Variants in CCDC180 observed in about 807,000 individuals in gnomAD.
The protein encoded by CCDC180 is coiled-coil domain containing 180.
Under a neutral mutation model 209.2 loss-of-function variants are expected in CCDC180, and 154 were observed. The ratio of observed to expected loss-of-function variants is 0.74; its 90% CI spans 0.65 to 0.84. The LOEUF (loss-of-function observed/expected upper bound fraction) is 0.84. CCDC180 is among the 40% of genes least tolerant of loss of function. The pLI, the probability that CCDC180 is intolerant of heterozygous loss-of-function variation, is 0.00. For synonymous variants in CCDC180, 778 were observed against 749.1 expected, an observed-to-expected ratio of 1.04 and a Z score of -0.63; for missense variants, 1,874 against 1,997.3, an observed-to-expected ratio of 0.94 and a Z score of 1.18.
intron 16 of CCDC180, 65 bp from the exon 17 acceptor site, chr9:97,330,089 A>AC: frequency 2.1e-6 from 2 of 945,320 alleles, no homozygotes; most frequent in Non-Finnish European, 1.6e-6. Flanking sequence ...AAAAAAAAAA[A>AC]GGTGGGGGGC....
At chr9:97,370,895 C>T (rs375663305) in intron 33 of CCDC180, 117 bp downstream of exon 33, 37 of 991,018 alleles carry the variant, frequency 3.7e-5, no homozygotes, top group Non-Finnish European at 4.7e-5. Context: ...CAGGCATGAT[C>T]GTGGTTGGGT....
At chr9:97,309,389 C>T in intron 2 of CCDC180, 25 bp from the exon 3 acceptor site, 1 of 1,594,612 alleles carries the variant, frequency 6.3e-7, no homozygotes, top group Non-Finnish European at 8.5e-7. Context: ...ACCACTCCCC[C>T]ATCCTTGGTC....
Position 97,357,696 on chromosome 9 carries a change from A to T in CCDC180, c.3334A>T (p.Thr1112Ser). The change falls in exon 25 of 37, where the codon ACT (threonine) becomes TCT (serine). Residue 1112 changes from threonine (T) to serine (S), a missense_variant. Coordinates refer to ENST00000529487, the MANE Select transcript of CCDC180 (RefSeq NM_020893.6). Reference protein sequence around the residue: ...SLQQLQNKIKTCQESRGEKTT... With the variant: ...SLQQLQNKIKSCQESRGEKTT... ...GCAACAGCTTCAGAACAAGATAAAA[A>T]CTTGTCAAGAGTCCAGGGGAGAGAA... 6.2e-7 allele frequency: 1 copy of T among 1,613,256 alleles called. No homozygotes were observed.
At chr9:97,354,824 C>T (rs1826527779) in intron 23 of CCDC180, 68 bp from the exon 24 acceptor site, 1 of 1,560,162 alleles carries the variant, frequency 6.4e-7, no homozygotes, top group Non-Finnish European at 8.8e-7. Context: ...GGCCTGTCCC[C>T]CTCCTCCTTC....
intron 16 of CCDC180, among the ~76,000 whole-genome samples, chr9:97,329,940 C>T (rs935286871): frequency 3.3e-5 from 5 of 152,046 alleles, no homozygotes; most frequent in South Asian, 2.1e-4. Context: ...TGGTGGCTGG[C>T]GCCTATAGTC....
rs1422494481 is a variant in CCDC180, at chr9:97,377,337, G to A, written c.*443G>A. 6.5e-6 allele frequency: 1 copy of A among 152,816 alleles called. No individual in the cohort carries two copies. The highest frequency in any genetic ancestry group is 2.4e-5 in the African/African-American group (1 of 41,372). The allele number at this position is 152,816 out of a possible 1,614,324, so 9.5% of individuals were successfully genotyped here. Reference sequence around the variant, plus strand: ...AGACCCAACAAATAACTAATCCAATGTTGATTGGTATTTGTGCCACAATTT... The same window carrying A: ...AGACCCAACAAATAACTAATCCAATATTGATTGGTATTTGTGCCACAATTT... On this transcript the variant is annotated 3_prime_UTR_variant, in exon 37 of 37. Coordinates refer to ENST00000529487, the MANE Select transcript of CCDC180 (RefSeq NM_020893.6).
chr9:97,316,891 C>T (rs1316485040), intron 8 of CCDC180, among the ~76,000 whole-genome samples, 174 bp from the exon 9 acceptor site: 1 of 152,134 alleles, frequency 6.6e-6, no homozygotes, highest in Non-Finnish European at 1.5e-5. Flanking sequence ...TGCCAGGAAG[C>T]TTCATCGAGT....
At chr9:97,309,159 A>C (rs893904904) in intron 2 of CCDC180, among the ~76,000 whole-genome samples, 2 of 152,218 alleles carry the variant, frequency 1.3e-5, no homozygotes, top group Non-Finnish European at 2.9e-5. Context: ...TTGTGATTAT[A>C]AAAAAGGCTG....
chr9:97,354,766 C>A, intron 23 of CCDC180, 53 bp downstream of exon 23: 2 of 1,609,866 alleles, frequency 1.2e-6, no homozygotes, highest in South Asian at 2.2e-5. Context: ...ATCCCTTGCT[C>A]AACTCCCTCT....
intron 3 of CCDC180, among the ~76,000 whole-genome samples, chr9:97,311,158 G>A (rs977556153): frequency 1.3e-5 from 2 of 152,146 alleles, no homozygotes; most frequent in Admixed American, 1.3e-4. Flanking sequence ...CAGGCCAGGG[G>A]GTAAATCACC....
chr9:97,318,937 G>A (rs936483097), intron 10 of CCDC180, among the ~76,000 whole-genome samples: 1 of 152,196 alleles, frequency 6.6e-6, no homozygotes, highest in African/African-American at 2.4e-5. Flanking sequence ...GAGCTTTGCA[G>A]TTTGGAGGTA....
chr9:97,319,236 A>G (rs565895825), intron 10 of CCDC180, among the ~76,000 whole-genome samples: 24 of 152,330 alleles, frequency 1.6e-4, no homozygotes, highest in African/African-American at 5.8e-4. Flanking sequence ...GCAAATCACC[A>G]TGGCACACAT....
chr9:97,373,533 C>G (rs1827158862), intron 34 of CCDC180: 1 of 152,238 alleles, frequency 6.6e-6, no homozygotes. Flanking sequence ...CTTTTGCGAC[C>G]TGATTTCCCT....
At chr9:97,335,612 A>G (rs1184270023) in intron 18 of CCDC180, among the ~76,000 whole-genome samples, 1 of 152,124 alleles carries the variant, frequency 6.6e-6, no homozygotes, top group Non-Finnish European at 1.5e-5. Context: ...AGTCTTTGCT[A>G]TTGTGAATAG....
At chr9:97,334,449 C>G (rs753042285) in intron 18 of CCDC180, among the ~76,000 whole-genome samples, 18 of 152,188 alleles carry the variant, frequency 1.2e-4, no homozygotes, top group Non-Finnish European at 2.1e-4. Flanking sequence ...AACAACTTTT[C>G]TATGCCAAAG....
chr9:97,347,398 C>T lies in CCDC180; in HGVS notation c.2583C>T (p.Ile861=). The T allele has an allele frequency of 6.5e-7, 1 of 1,536,150 alleles. No homozygotes were observed. The highest frequency in any genetic ancestry group is 8.7e-7 in the Non-Finnish European group (1 of 1,146,924). ...LNTRVTVATK[I]NELDSELELH... is the part of the protein sequence containing the mutation. ...CCCGGGTCACCGTGGCCACCAAAAT[C>T]AATGAGCTGGATTCAGAACTGGAGC... is the stretch of plus-strand genomic sequence containing the variant. The change falls in exon 20 of 37, where the codon ATC becomes ATT. Residue 861 remains isoleucine, a synonymous_variant. Transcript: ENST00000529487.
chr9:97,308,506 A>G (rs1832873880), intron 2 of CCDC180, among the ~76,000 whole-genome samples: 2 of 152,084 alleles, frequency 1.3e-5, no homozygotes, highest in South Asian at 4.1e-4. Context: ...TATCTCACAG[A>G]CCCTTTTCTA....
At chr9:97,356,829 T>C (rs1414038793) in intron 24 of CCDC180, among the ~76,000 whole-genome samples, 1 of 152,160 alleles carries the variant, frequency 6.6e-6, no homozygotes, top group African/African-American at 2.4e-5. Context: ...AAACAGAGAG[T>C]AAACCATAAT....
At chr9:97,308,260 T>A (rs1250602908) in intron 2 of CCDC180, 128 bp downstream of exon 2, 2 of 799,882 alleles carry the variant, frequency 2.5e-6, no homozygotes, top group Non-Finnish European at 3.6e-6. Flanking sequence ...ACTTTGATTT[T>A]AAAAATAATT....
Sources: allele counts gnomAD v4.1 joint callset (sites outside exome capture counted in the v4.1 genomes callset), GRCh38; gene constraint gnomAD v4.1.1; transcripts MANE v1.5; gene names NCBI Gene and HGNC (gene_info 2026-07-23, HGNC 2026-07-21).